ACOXL: variants seen among roughly 807,000 people sequenced by gnomAD.
ACOXL encodes the protein acyl-CoA oxidase like.
A neutral mutation model predicts 71.9 loss-of-function variants in ACOXL; 70 were observed. The observed-to-expected ratio is 0.97, with a 90% confidence interval of 0.80 to 1.19. The LOEUF is 1.19. ACOXL is among the 50% of genes most tolerant of loss of function. The probability of loss-of-function intolerance (pLI) is 0.00; values close to 1 mark genes in which losing one functional copy is unlikely to be tolerated. For missense variants in ACOXL, 703 were observed against 736.3 expected (o/e 0.95, Z 0.52); for synonymous variants, 253 against 281.6 (o/e 0.90, Z 1.02).
rs1364567998 is a variant in ACOXL, at chr2:110,930,569, A to G, written c.906-2920A>G. ...ATGACTGGTTTTGAAATGTGAGGACATGAGATTTGGGAAGGGCCAGGTGTG... is the reference window on the plus strand; with the variant it reads ...ATGACTGGTTTTGAAATGTGAGGACGTGAGATTTGGGAAGGGCCAGGTGTG... On this transcript the variant is annotated intron_variant, in intron 11 of 17. Coordinates refer to ENST00000439055, the MANE Select transcript of ACOXL (RefSeq NM_001142807.4). 3.3e-5 allele frequency among the ~76,000 whole-genome samples: 5 copies of G among 152,166 alleles called. 1 individual carries two copies. In the East Asian group the frequency reaches 9.6e-4, roughly 29 times the overall value.
chr2:111,097,037 G>A (rs2068843917), intron 17 of ACOXL, among the ~76,000 whole-genome samples: 1 of 152,096 alleles, frequency 6.6e-6, no homozygotes, highest in South Asian at 2.1e-4. Context: ...CCACCATCAA[G>A]CTGTCAGTGA....
At chr2:110,755,213 C>T (rs147280252) in intron 1 of ACOXL, among the ~76,000 whole-genome samples, 73 of 152,232 alleles carry the variant, frequency 4.8e-4, no homozygotes, top group African/African-American at 1.6e-3. Flanking sequence ...CCAGATGACC[C>T]TCACATGTGA....
chr2:110,770,328 C>G (rs1265710944), intron 2 of ACOXL, among the ~76,000 whole-genome samples: 3 of 152,184 alleles, frequency 2.0e-5, no homozygotes, highest in African/African-American at 7.2e-5. Context: ...GTAGATCCCT[C>G]TCCCTTCCCC....
At chr2:111,035,840 G>A (rs541419992) in intron 15 of ACOXL, among the ~76,000 whole-genome samples, 1 of 152,282 alleles carries the variant, frequency 6.6e-6, no homozygotes, top group Non-Finnish European at 1.5e-5. Context: ...TTCTTCCCGG[G>A]ATCAGCATTT....
intron 15 of ACOXL, among the ~76,000 whole-genome samples, chr2:111,039,046 A>G (rs998338703): frequency 2.6e-5 from 4 of 152,236 alleles, no homozygotes; most frequent in South Asian, 2.1e-4. Flanking sequence ...AGTGTGTCTT[A>G]AAAACAAGAA....
At chr2:111,086,620 T>C (rs756409423) in intron 16 of ACOXL, among the ~76,000 whole-genome samples, 1 of 152,050 alleles carries the variant, frequency 6.6e-6, no homozygotes, top group Non-Finnish European at 1.5e-5. Flanking sequence ...TGCATTTTAT[T>C]GAACATCTTC....
At chr2:110,975,467 G>A (rs569369416) in intron 12 of ACOXL, among the ~76,000 whole-genome samples, 78 of 151,824 alleles carry the variant, frequency 5.1e-4, no homozygotes, top group African/African-American at 1.5e-3. Context: ...AGTTGCAGAC[G>A]TCAAAACACT....
At chr2:110,843,137 A>C (rs1295288488) in intron 10 of ACOXL, among the ~76,000 whole-genome samples, 1 of 152,180 alleles carries the variant, frequency 6.6e-6, no homozygotes, top group African/African-American at 2.4e-5. Context: ...GAATGTTCTC[A>C]AGGTGGACTG....
At chr2:111,094,557 A>G (rs2068706529) in intron 17 of ACOXL, among the ~76,000 whole-genome samples, 1 of 152,180 alleles carries the variant, frequency 6.6e-6, no homozygotes, top group Non-Finnish European at 1.5e-5. Context: ...GAGGGGTTGA[A>G]CTTATCCTTT....
At chr2:110,784,848 T>C (rs1444446430) in intron 3 of ACOXL, 33 bp downstream of exon 3, 13 of 1,567,546 alleles carry the variant, frequency 8.3e-6, no homozygotes, top group African/African-American at 1.4e-5. Flanking sequence ...CCTTCATGAA[T>C]GCATGCTCGC....
intron 1 of ACOXL, among the ~76,000 whole-genome samples, chr2:110,744,811 G>A (rs772218476): frequency 1.3e-5 from 2 of 152,190 alleles, no homozygotes; most frequent in Non-Finnish European, 2.9e-5. Context: ...TGTCAGAGGG[G>A]CATACTCTCT....
intron 10 of ACOXL, among the ~76,000 whole-genome samples, chr2:110,870,793 C>T (rs991268099): frequency 2.6e-4 from 39 of 152,290 alleles, no homozygotes; most frequent in African/African-American, 8.2e-4. Context: ...TTTCCTGTCT[C>T]AGGGTGCAGG....
intron 12 of ACOXL, among the ~76,000 whole-genome samples, chr2:110,934,174 T>A (rs2060579977): frequency 6.6e-6 from 1 of 152,194 alleles, no homozygotes; most frequent in East Asian, 1.9e-4. Context: ...CAGCTGGATC[T>A]GTGTGCAGCT....
intron 14 of ACOXL, among the ~76,000 whole-genome samples, chr2:111,015,186 A>G (rs550259584): frequency 4.8e-4 from 73 of 152,342 alleles, no homozygotes; most frequent in South Asian, 8.3e-4. Flanking sequence ...AAGACAAACC[A>G]TAGCCTTGGA....
chr2:110,896,967 A>G (rs947938244), intron 10 of ACOXL, among the ~76,000 whole-genome samples: 2 of 152,122 alleles, frequency 1.3e-5, no homozygotes, highest in Non-Finnish European at 2.9e-5. Context: ...AAGATACACC[A>G]TATCTTATCC....
chr2:110,783,697 G>A (rs183470953), intron 2 of ACOXL, among the ~76,000 whole-genome samples: 123 of 148,664 alleles, frequency 8.3e-4, no homozygotes, highest in African/African-American at 3.1e-3. Context: ...ATGGACACAT[G>A]TGCACACAGG....
intron 17 of ACOXL, among the ~76,000 whole-genome samples, chr2:111,102,540 T>G (rs2069237380): frequency 6.6e-6 from 1 of 152,146 alleles, no homozygotes; most frequent in Non-Finnish European, 1.5e-5. Context: ...GCTGGGAAAT[T>G]GGGTGCCCTT....
intron 9 of ACOXL, among the ~76,000 whole-genome samples, chr2:110,837,541 G>A (rs1472890920): frequency 3.3e-5 from 5 of 152,096 alleles, no homozygotes; most frequent in Admixed American, 6.5e-5. Flanking sequence ...TACAGCTGGT[G>A]TACTTCTGGG....
intron 16 of ACOXL, among the ~76,000 whole-genome samples, chr2:111,066,096 G>A (rs979029592): frequency 4.6e-5 from 7 of 152,148 alleles, no homozygotes; most frequent in African/African-American, 9.7e-5. Context: ...TAGCTGCTTT[G>A]TTCAGAATAA....
Sources: gnomAD v4.1 joint callset for allele counts (sites outside exome capture counted in the v4.1 genomes callset) on GRCh38, gnomAD v4.1.1 for gene constraint, MANE v1.5 for transcripts, NCBI Gene and HGNC (gene_info 2026-07-23, HGNC 2026-07-21) for gene names.